The following MERTK variants were observed in gnomAD, a reference collection of about 807,000 sequenced individuals.
The protein encoded by MERTK is tyrosine-protein kinase Mer.
A neutral mutation model predicts 99.3 loss-of-function variants in MERTK; 69 were observed. The ratio of observed to expected loss-of-function variants is 0.70; its 90% CI spans 0.57 to 0.85. MERTK has a LOEUF of 0.85. Among genes scored for constraint, MERTK ranks in the 40% least tolerant of loss-of-function variants. The probability of loss-of-function intolerance (pLI) is 0.00; values close to 1 mark genes in which losing one functional copy is unlikely to be tolerated. For synonymous variants in MERTK, 426 were observed against 467.6 expected (o/e 0.91, Z 1.15); for missense variants, 1,125 against 1,249.4 (o/e 0.90, Z 1.50).
chr2:112,024,443 G>C (rs1029483610), intron 18 of MERTK, among the ~76,000 whole-genome samples: 1 of 152,236 alleles, frequency 6.6e-6, no homozygotes, highest in Non-Finnish European at 1.5e-5. Flanking sequence ...GTCAGGCAGA[G>C]AGGGGCGAAC....
At position 111,925,293 on chromosome 2, in the gene MERTK, T is replaced by TATATATATATATATATATATATATA. The variant is rs1553446655; in HGVS notation, c.62-3827_62-3826insATATATATATATATATATATATATA. Among the ~76,000 whole-genome samples, 96 of 29,646 alleles carry TATATATATATATATATATATATATA rather than the reference T, an allele frequency of 3.2e-3. 5 individuals carry two copies. Among genetic ancestry groups the TATATATATATATATATATATATATA allele is most frequent in the Non-Finnish European group, 4.1e-3 (66 of 16,106 alleles). The allele number at this position is 29,646 out of a possible 152,430, so 19.4% of individuals were successfully genotyped here. The stretch of plus-strand genomic sequence containing the variant: ...CAGATCAGATATATATATATATATA[T>TATATATATATATATATATATATATA]TTTTTTTTTTTTTTTTTTTTTTTTT... On this transcript the variant is annotated intron_variant, in intron 1 of 18. Transcript: ENST00000295408.
At chr2:112,020,684 G>C (rs13416895) in intron 16 of MERTK, 18,345 of 470,940 alleles carry the variant, frequency 0.039, 439 homozygotes, top group African/African-American at 0.062. Context: ...AAACTCTCAG[G>C]GGGCTTACTT....
intron 4 of MERTK, 65 bp from the exon 5 acceptor site, chr2:111,965,126 T>C: frequency 7.2e-7 from 1 of 1,397,576 alleles, no homozygotes; most frequent in Non-Finnish European, 1.0e-6. Context: ...AAGACAACCA[T>C]AGAATTGTAG....
chr2:111,976,393 A>T (rs1171356506), intron 7 of MERTK, among the ~76,000 whole-genome samples: 3 of 152,150 alleles, frequency 2.0e-5, no homozygotes, highest in African/African-American at 2.4e-5. Context: ...GGCAGGTGAA[A>T]GGAGGGCGGG....
chr2:111,993,695 T>A (rs1676676348), intron 8 of MERTK, among the ~76,000 whole-genome samples: 1 of 152,016 alleles, frequency 6.6e-6, no homozygotes, highest in African/African-American at 2.4e-5. Context: ...TAAAATAACA[T>A]ACAAATAAAA....
chr2:112,011,502 A>G (rs189394620), intron 15 of MERTK, among the ~76,000 whole-genome samples: 1 of 152,300 alleles, frequency 6.6e-6, no homozygotes, highest in African/African-American at 2.4e-5. Flanking sequence ...CTGTAATCCC[A>G]GCACATTGGG....
chr2:111,947,932 T>C (rs1684990630), intron 4 of MERTK, among the ~76,000 whole-genome samples: 1 of 152,094 alleles, frequency 6.6e-6, no homozygotes. Flanking sequence ...CTCAGTGGAT[T>C]TGACACCGAG....
chr2:112,003,278 G>A (rs550950524), intron 12 of MERTK, 91 bp downstream of exon 12: 112 of 699,816 alleles, frequency 1.6e-4, no homozygotes, highest in South Asian at 1.5e-3. Context: ...AAATAAAATA[G>A]CATCTCAGGA....
chr2:111,907,811 ATT>A (rs1334261299), intron 1 of MERTK, among the ~76,000 whole-genome samples: 1 of 152,254 alleles, frequency 6.6e-6, no homozygotes, highest in African/African-American at 2.4e-5. Flanking sequence ...GCTCTTAAAT[ATT>A]CTGGCTGGGA....
chr2:112,015,088 T>G (rs1226973135), intron 15 of MERTK, among the ~76,000 whole-genome samples: 1 of 152,212 alleles, frequency 6.6e-6, no homozygotes, highest in African/African-American at 2.4e-5. Flanking sequence ...TTCACCTGTT[T>G]AGGGACATAT....
At chr2:111,939,629 T>G (rs1214310818) in intron 2 of MERTK, among the ~76,000 whole-genome samples, 1 of 150,580 alleles carries the variant, frequency 6.6e-6, no homozygotes, top group African/African-American at 2.4e-5. Flanking sequence ...TACAGGCATG[T>G]GCCACCATGC....
At chr2:112,027,188 C>A (rs1004782905) in intron 18 of MERTK, among the ~76,000 whole-genome samples, 3 of 151,320 alleles carry the variant, frequency 2.0e-5, no homozygotes, top group African/African-American at 7.3e-5. Context: ...CACACACACA[C>A]ACACACATTT....
At chr2:111,981,570 A>G (rs1028844479) in intron 7 of MERTK, among the ~76,000 whole-genome samples, 7 of 152,200 alleles carry the variant, frequency 4.6e-5, no homozygotes, top group Non-Finnish European at 8.8e-5. Flanking sequence ...ATTATGCTGC[A>G]ATGAATATAA....
At chr2:111,944,752 C>T (rs188206871) in intron 2 of MERTK, among the ~76,000 whole-genome samples, 35 of 152,292 alleles carry the variant, frequency 2.3e-4, no homozygotes, top group African/African-American at 7.0e-4. Flanking sequence ...AAGGCTGCTG[C>T]TTTAAATGCT....
intron 10 of MERTK, 131 bp from the exon 11 acceptor site, chr2:112,001,069 CT>C: frequency 8.3e-6 from 6 of 720,936 alleles, no homozygotes; most frequent in Middle Eastern, 2.4e-4. Context: ...AAACACGTTT[CT>C]TCTAGGGGGA....
At chr2:112,023,318 G>A (rs185159744) in intron 18 of MERTK, among the ~76,000 whole-genome samples, 2,750 of 152,266 alleles carry the variant, frequency 0.018, 76 homozygotes, top group African/African-American at 0.062. Flanking sequence ...GGAGGCTGAG[G>A]CAGGAGAATG....
intron 1 of MERTK, among the ~76,000 whole-genome samples, chr2:111,912,002 T>C (rs750009207): frequency 7.3e-5 from 11 of 150,632 alleles, no homozygotes; most frequent in Non-Finnish European, 1.6e-4. Flanking sequence ...AATCGCTTTA[T>C]TTATTTATTT....
chr2:112,006,836 A>G (rs949489864), intron 13 of MERTK, among the ~76,000 whole-genome samples: 4 of 152,168 alleles, frequency 2.6e-5, no homozygotes, highest in Non-Finnish European at 5.9e-5. Context: ...TTGCAGATGT[A>G]TAGATTTTCT....
chr2:111,970,795 T>TC (rs1558791481), intron 6 of MERTK, among the ~76,000 whole-genome samples: 3 of 16,944 alleles, frequency 1.8e-4, no homozygotes, highest in African/African-American at 6.6e-4. Context: ...TCCCTCCTCC[T>TC]CCTCCCCCCT....
Sources: gnomAD v4.1 joint callset for allele counts (sites outside exome capture counted in the v4.1 genomes callset) on GRCh38, gnomAD v4.1.1 for gene constraint, MANE v1.5 for transcripts, NCBI Gene and HGNC (gene_info 2026-07-23, HGNC 2026-07-21) for gene names.